KCNT1: variants seen among roughly 807,000 people sequenced by gnomAD.
KCNT1 encodes potassium sodium-activated channel subfamily T member 1.
Under a neutral mutation model 147.8 loss-of-function variants are expected in KCNT1, and 78 were observed. That is an observed-to-expected ratio of 0.53 (90% CI 0.44 to 0.64). KCNT1 has a LOEUF of 0.64. Ranked by LOEUF, KCNT1 falls within the 30% of genes least tolerant of loss-of-function variation. The pLI is 0.00. For missense variants in KCNT1, 1,419 were observed against 1,750.3 expected (o/e 0.81, Z 3.38); for synonymous variants, 867 against 748.8 (o/e 1.16, Z -2.58).
chr9:135,709,628 T>TA (rs1031782606), intron 1 of KCNT1, among the ~76,000 whole-genome samples: 53 of 152,306 alleles, frequency 3.5e-4, no homozygotes, highest in African/African-American at 1.2e-3. Flanking sequence ...GGCTTGTCTT[T>TA]ACTTGTGCGT....
chr9:135,776,005 T>C (rs1833145235), intron 20 of KCNT1, among the ~76,000 whole-genome samples: 1 of 152,080 alleles, frequency 6.6e-6, no homozygotes, highest in East Asian at 1.9e-4. Context: ...TCTGCGATGT[T>C]TCTTGGTGGT....
intron 24 of KCNT1, among the ~76,000 whole-genome samples, chr9:135,783,681 CAGG>C (rs2131568548): frequency 6.6e-6 from 1 of 152,328 alleles, no homozygotes; most frequent in Admixed American, 6.5e-5. Context: ...AGAGGATTAT[CAGG>C]AGGATTTGGA....
At chr9:135,712,454 A>C (rs979585004) in intron 1 of KCNT1, among the ~76,000 whole-genome samples, 3 of 152,088 alleles carry the variant, frequency 2.0e-5, no homozygotes, top group Non-Finnish European at 4.4e-5. Context: ...GCAGAATTCG[A>C]GGTGGGCCCC....
intron 18 of KCNT1, 54 bp from the exon 19 acceptor site, chr9:135,772,661 C>T (rs1233078009): frequency 1.2e-5 from 15 of 1,300,088 alleles, no homozygotes; most frequent in Non-Finnish European, 1.5e-5. Context: ...TGGGAACTCG[C>T]CGCCCATGGA....
At chr9:135,754,423 C>T (rs541917216) in intron 5 of KCNT1, among the ~76,000 whole-genome samples, 1 of 152,238 alleles carries the variant, frequency 6.6e-6, no homozygotes, top group South Asian at 2.1e-4. Context: ...AGTGAGGTGG[C>T]GGCTTCTCTT....
intron 2 of KCNT1, among the ~76,000 whole-genome samples, chr9:135,732,631 C>T (rs1830145472): frequency 6.6e-6 from 1 of 152,104 alleles, no homozygotes; most frequent in African/African-American, 2.4e-5. Context: ...AGTGTGGCTT[C>T]CATTGCACCT....
At chr9:135,768,587 G>T in intron 13 of KCNT1, 23 bp from the exon 14 acceptor site, 2 of 1,547,924 alleles carry the variant, frequency 1.3e-6, no homozygotes, top group African/African-American at 1.4e-5. Flanking sequence ...CTCCACCCAC[G>T]CTCAGGCCCT....
At chr9:135,707,570 G>A (rs1835307541) in intron 1 of KCNT1, among the ~76,000 whole-genome samples, 1 of 152,086 alleles carries the variant, frequency 6.6e-6, no homozygotes, top group African/African-American at 2.4e-5. Context: ...AGGGTCCTGG[G>A]CACCCAGGGC....
At chr9:135,778,084 G>A (rs1237078838) in intron 21 of KCNT1, among the ~76,000 whole-genome samples, 1 of 152,052 alleles carries the variant, frequency 6.6e-6, no homozygotes, top group Non-Finnish European at 1.5e-5. Flanking sequence ...TTTGCCTCCT[G>A]CTCCACTCAC....
chr9:135,772,676 G>A lies in KCNT1; in HGVS notation c.2009-39G>A, dbSNP rs78274769. On this transcript the variant is annotated intron_variant, in intron 18 of 30. Coordinates refer to ENST00000371757, the MANE Select transcript of KCNT1 (RefSeq NM_020822.3). Reference sequence around the variant, plus strand: ...TGGGAACTCGCCGCCCATGGAGGGTGGGAGTCGGGCTGTGGCCAAGCACAG... The same window carrying A: ...TGGGAACTCGCCGCCCATGGAGGGTAGGAGTCGGGCTGTGGCCAAGCACAG... The A allele has an allele frequency of 0.02, 26,998 of 1,341,334 alleles. 381 individuals carry two copies. Among genetic ancestry groups the A allele is most frequent in the Middle Eastern group, 0.072 (372 of 5,134 alleles). The allele number at this position is 1,341,334 out of a possible 1,614,324, so 83.1% of individuals were successfully genotyped here.
At chr9:135,784,643 C>T in intron 26 of KCNT1, 25 bp downstream of exon 26, 1 of 1,611,332 alleles carries the variant, frequency 6.2e-7, no homozygotes, top group Non-Finnish European at 8.5e-7. Flanking sequence ...CTGCGCTGGG[C>T]TGGGGGCGTG....
rs2131574521 is a variant in KCNT1, at chr9:135,784,582, C to T, written c.2991C>T (p.Gly997=). Residue 997 remains glycine, a synonymous_variant, in exon 26 of 31, where the codon GGC becomes GGT. Coordinates refer to ENST00000371757, the MANE Select transcript of KCNT1 (RefSeq NM_020822.3). ...YMITITRLLL[G]LDTTPGSGYL... is the part of the protein sequence containing the mutation. ...TCACCATCACCCGGCTGCTGCTGGGCCTGGACACCACGCCGGGCTCGGGGT... is the reference window on the plus strand; with the variant it reads ...TCACCATCACCCGGCTGCTGCTGGGTCTGGACACCACGCCGGGCTCGGGGT... 9 of 1,591,058 alleles carry T rather than the reference C, an allele frequency of 5.7e-6. No individual in the cohort carries two copies. The highest frequency in any genetic ancestry group is 2.1e-4 in the Middle Eastern group (1 of 4,742).
rs373516479 is a variant in KCNT1 at position 135,770,478 on chromosome 9, G to A, written c.1769+31G>A. On this transcript the variant is annotated intron_variant, in intron 17 of 30. Transcript: ENST00000371757. ...GCCGGGCTGCATCCACAGGGCTGGC[G>A]CTCCAGGGCTGCTCTGCTCTGTGCC... 3.3e-5 allele frequency: 52 copies of A among 1,590,368 alleles called. No homozygotes were observed. The East Asian group carries it at 3.6e-4, about 11-fold the overall frequency.
chr9:135,753,694 G>T, intron 4 of KCNT1: 3 of 579,684 alleles, frequency 5.2e-6, no homozygotes, highest in Non-Finnish European at 9.3e-6. Flanking sequence ...TCTGCCTGCT[G>T]GGCTGAGCAG....
chr9:135,788,029 G>A (rs539397462), intron 29 of KCNT1: 58 of 1,226,248 alleles, frequency 4.7e-5, no homozygotes, highest in African/African-American at 1.2e-4. Flanking sequence ...TGTGCCGGCC[G>A]CCCGCACCTC....
intron 19 of KCNT1, 95 bp downstream of exon 19, chr9:135,773,044 C>T (rs1038481952): frequency 1.2e-5 from 10 of 851,054 alleles, no homozygotes; most frequent in African/African-American, 1.8e-5. Flanking sequence ...GTCCCCCATG[C>T]TCTGAATTGC....
At chr9:135,719,934 C>T (rs1303740697) in intron 2 of KCNT1, among the ~76,000 whole-genome samples, 1 of 152,194 alleles carries the variant, frequency 6.6e-6, no homozygotes, top group Admixed American at 6.5e-5. Flanking sequence ...CAACAGAGAA[C>T]GGAACTTGAC....
chr9:135,778,618 C>T (rs1382966050), intron 22 of KCNT1, 70 bp from the exon 23 acceptor site: 8 of 1,606,278 alleles, frequency 5.0e-6, no homozygotes, highest in Non-Finnish European at 6.8e-6. Flanking sequence ...GCCTTCTGAC[C>T]AAATCCCGGG....
In KCNT1 at chr9:135,757,002, C is replaced by T. The variant is rs56148006; in HGVS notation, c.600+70C>T. On this transcript the variant is annotated intron_variant, in intron 7 of 30. Coordinates refer to ENST00000371757, the MANE Select transcript of KCNT1 (RefSeq NM_020822.3). ...TCCCCACCCTCCCCAGCCTCCCCCA[C>T]CTCCCCCACCCTCTCCTATTTCCCC... 74 of 1,006,446 alleles carry T rather than the reference C, an allele frequency of 7.4e-5. 1 individual carries two copies. Among genetic ancestry groups the T allele is most frequent in the African/African-American group, 3.2e-4 (12 of 37,192 alleles). 62.3% of individuals were successfully genotyped at this position (1,006,446 alleles called of 1,614,324 possible).
Sources: gnomAD v4.1 joint callset for allele counts (sites outside exome capture counted in the v4.1 genomes callset) on GRCh38, gnomAD v4.1.1 for gene constraint, MANE v1.5 for transcripts, NCBI Gene and HGNC (gene_info 2026-07-23, HGNC 2026-07-21) for gene names.